The following CFAP20DC variants were observed in gnomAD, a reference collection of about 807,000 sequenced individuals.
CFAP20DC encodes the protein protein CFAP20DC.
In CFAP20DC, 84 loss-of-function variants were observed where a neutral mutation model predicts 101.7. The ratio of observed to expected loss-of-function variants is 0.83; its 90% CI spans 0.69 to 0.99. CFAP20DC has a LOEUF of 0.99. CFAP20DC is among the 50% of genes least tolerant of loss of function. The pLI, the probability that CFAP20DC is intolerant of heterozygous loss-of-function variation, is 0.00. For synonymous variants in CFAP20DC, 359 were observed against 351.2 expected (o/e 1.02, Z -0.25); for missense variants, 1,007 against 970.3 (o/e 1.04, Z -0.50).
chr3:58,916,105 T>G (rs2084680346), intron 5 of CFAP20DC, among the ~76,000 whole-genome samples: 1 of 152,190 alleles, frequency 6.6e-6, no homozygotes, highest in Admixed American at 6.6e-5. Context: ...TTATACAACT[T>G]TAAAAACATT....
At chr3:58,794,482 G>A (rs1323575887) in intron 15 of CFAP20DC, among the ~76,000 whole-genome samples, 3 of 152,136 alleles carry the variant, frequency 2.0e-5, no homozygotes, top group African/African-American at 4.8e-5. Context: ...TATACTGAGC[G>A]GGTTTTTATA....
intron 4 of CFAP20DC, among the ~76,000 whole-genome samples, chr3:59,005,622 C>G (rs1014081479): frequency 2.0e-5 from 3 of 152,094 alleles, no homozygotes; most frequent in African/African-American, 4.8e-5. Flanking sequence ...GATGTGAATA[C>G]TGATAACATC....
At chr3:58,915,300 C>A (rs910488931) in intron 5 of CFAP20DC, among the ~76,000 whole-genome samples, 1 of 152,038 alleles carries the variant, frequency 6.6e-6, no homozygotes, top group Admixed American at 6.6e-5. Context: ...CCAGTAGATA[C>A]GCCACAGAGT....
At chr3:58,880,183 C>T (rs116280062) in intron 7 of CFAP20DC, among the ~76,000 whole-genome samples, 2 of 152,138 alleles carry the variant, frequency 1.3e-5, no homozygotes, top group Non-Finnish European at 2.9e-5. Context: ...AAAGTCTTTT[C>T]TCACTGCCCC....
intron 4 of CFAP20DC, among the ~76,000 whole-genome samples, chr3:58,962,197 T>C (rs1252716506): frequency 3.3e-5 from 5 of 152,196 alleles, no homozygotes; most frequent in Non-Finnish European, 1.5e-5. Flanking sequence ...ATTTCATACA[T>C]TTTGGTATGC....
intron 15 of CFAP20DC, among the ~76,000 whole-genome samples, chr3:58,786,097 T>C (rs2072309741): frequency 6.6e-6 from 1 of 152,182 alleles, no homozygotes; most frequent in African/African-American, 2.4e-5. Context: ...TTGAGGTTTC[T>C]CCCACAGGAT....
chr3:58,882,231 T>A lies in CFAP20DC; in HGVS notation c.715+2314A>T, dbSNP rs1191073671. 3.3e-5 allele frequency among the ~76,000 whole-genome samples: 5 copies of A among 152,160 alleles called. No homozygotes were observed. Among genetic ancestry groups the A allele is most frequent in the Admixed American group, 2.0e-4 (3 of 15,276 alleles). The stretch of plus-strand genomic sequence containing the variant: ...ATGGAAATTGCAAAATATATATTAA[T>A]ATCCTCTTTTATGAGTTGGGTTCAA... On this transcript the variant is annotated intron_variant, in intron 7 of 16. Transcript: ENST00000482387. This position sits in a 1 kb window ranked among gnomAD's most constrained non-coding sequence, Gnocchi z 4.2.
intron 6 of CFAP20DC, among the ~76,000 whole-genome samples, chr3:58,896,527 T>A (rs1255232826): frequency 6.6e-6 from 1 of 152,226 alleles, no homozygotes; most frequent in Non-Finnish European, 1.5e-5. Context: ...TTTAGTGTTA[T>A]AAATTTCCCT....
At chr3:58,905,679 A>C (rs895304115) in intron 6 of CFAP20DC, among the ~76,000 whole-genome samples, 1 of 152,168 alleles carries the variant, frequency 6.6e-6, no homozygotes, top group Non-Finnish European at 1.5e-5. Flanking sequence ...AAGGACAATA[A>C]AGTACTGAGC....
At chr3:58,768,379 G>T (rs889457350) in intron 15 of CFAP20DC, among the ~76,000 whole-genome samples, 2 of 152,172 alleles carry the variant, frequency 1.3e-5, no homozygotes, top group Admixed American at 6.6e-5. Context: ...GAATTAATTG[G>T]AAAACTGGGA....
chr3:59,048,860 G>T (rs1400248914), intron 1 of CFAP20DC, among the ~76,000 whole-genome samples: 2 of 152,190 alleles, frequency 1.3e-5, no homozygotes, highest in Non-Finnish European at 2.9e-5. Flanking sequence ...AGACCAGGAA[G>T]GGAGGTGTCC....
chr3:58,988,503 G>A (rs1485536219), intron 4 of CFAP20DC, among the ~76,000 whole-genome samples: 1 of 152,164 alleles, frequency 6.6e-6, no homozygotes. Flanking sequence ...GCAGAGCATT[G>A]AGATGGGAAC....
At chr3:58,748,990 C>G (rs781587939) in intron 16 of CFAP20DC, among the ~76,000 whole-genome samples, 1 of 152,152 alleles carries the variant, frequency 6.6e-6, no homozygotes, top group Non-Finnish European at 1.5e-5. Context: ...CAGAAAAATT[C>G]CAAACAGTGC....
chr3:58,829,155 A>T (rs1368238068), intron 14 of CFAP20DC, among the ~76,000 whole-genome samples: 1 of 151,974 alleles, frequency 6.6e-6, no homozygotes, highest in Non-Finnish European at 1.5e-5. Flanking sequence ...AACATGGTGA[A>T]ATCCTGTCTC....
chr3:59,024,908 C>T (rs1294239623), intron 4 of CFAP20DC, among the ~76,000 whole-genome samples: 1 of 152,172 alleles, frequency 6.6e-6, no homozygotes, highest in Non-Finnish European at 1.5e-5. Context: ...AACATATCTA[C>T]TTGGCACTGC....
At chr3:58,880,350 G>A (rs1313466152) in intron 7 of CFAP20DC, among the ~76,000 whole-genome samples, 1 of 152,098 alleles carries the variant, frequency 6.6e-6, no homozygotes, top group East Asian at 1.9e-4. Context: ...TTCACTGACT[G>A]ACACAGCTTT....
chr3:58,867,524 T>A (rs1576024892), intron 10 of CFAP20DC, among the ~76,000 whole-genome samples: 1 of 152,182 alleles, frequency 6.6e-6, no homozygotes, highest in East Asian at 1.9e-4. Flanking sequence ...GGAACTTCTA[T>A]CACATTTGGG....
At chr3:58,757,426 T>C (rs932035097) in intron 15 of CFAP20DC, among the ~76,000 whole-genome samples, 2 of 152,048 alleles carry the variant, frequency 1.3e-5, no homozygotes, top group African/African-American at 4.8e-5. Context: ...ATTGTTCACA[T>C]CTTTTGCCCT....
At position 58,882,924 on chromosome 3, in the gene CFAP20DC, A is replaced by G. The variant is rs1466485150; in HGVS notation, c.715+1621T>C. Among the ~76,000 whole-genome samples the G allele has an allele frequency of 6.6e-6, 1 of 152,216 alleles. No homozygotes were observed. Among genetic ancestry groups the G allele is most frequent in the Non-Finnish European group, 1.5e-5 (1 of 68,040 alleles). ...GGACTAAATAATGTACTGCTTATTT[A>G]TACATAGTCATCTGCAGGATTTATA... On this transcript the variant is annotated intron_variant, in intron 7 of 16. Coordinates refer to ENST00000482387, the MANE Select transcript of CFAP20DC (RefSeq NM_001394063.1). The surrounding 1 kb of genome is among the most constrained non-coding windows in gnomAD (Gnocchi z 4.2).
Sources: allele counts gnomAD v4.1 joint callset (sites outside exome capture counted in the v4.1 genomes callset), GRCh38; gene constraint gnomAD v4.1.1; non-coding constraint Gnocchi (gnomAD v3.1); transcripts MANE v1.5; gene names NCBI Gene and HGNC (gene_info 2026-07-23, HGNC 2026-07-21).